The following NLGN1 variants were observed in gnomAD, a reference collection of about 807,000 sequenced individuals.
The protein encoded by NLGN1 is neuroligin 1, also known as neuroligin-1.
A neutral mutation model predicts 65.5 loss-of-function variants in NLGN1; 12 were observed. The ratio of observed to expected loss-of-function variants is 0.18; its 90% CI spans 0.12 to 0.30. NLGN1 has a LOEUF of 0.30. Ranked by LOEUF, NLGN1 falls within the 10% of genes least tolerant of loss-of-function variation. The pLI is 1.00. For synonymous variants in NLGN1, 350 were observed against 359.5 expected, an observed-to-expected ratio of 0.97 and a Z score of 0.30; for missense variants, 750 against 1,007.1, an observed-to-expected ratio of 0.74 and a Z score of 3.46.
At chr3:173,997,092 A>C (rs1722419974) in intron 4 of NLGN1, among the ~76,000 whole-genome samples, 1 of 152,156 alleles carries the variant, frequency 6.6e-6, no homozygotes, top group South Asian at 2.1e-4. Context: ...TCTTAGGCCA[A>C]TTATTATACT....
chr3:173,662,270 A>G (rs1761033494), intron 3 of NLGN1, among the ~76,000 whole-genome samples: 1 of 152,028 alleles, frequency 6.6e-6, no homozygotes, highest in Non-Finnish European at 1.5e-5. Context: ...GTTAATACAT[A>G]CGGCAGTAAT....
intron 2 of NLGN1, among the ~76,000 whole-genome samples, chr3:173,503,082 TTG>T (rs144519410): frequency 1.1e-4 from 16 of 149,668 alleles, no homozygotes; most frequent in South Asian, 2.1e-4. Flanking sequence ...ATATGGCATG[TTG>T]TGTGTGTGTG....
intron 3 of NLGN1, among the ~76,000 whole-genome samples, chr3:173,621,937 A>G (rs1229310908): frequency 2.0e-5 from 3 of 152,130 alleles, no homozygotes; most frequent in Admixed American, 6.6e-5. Flanking sequence ...TAAAAAAGCT[A>G]TTTATGCCTT....
chr3:173,997,268 G>A (rs771449926), intron 4 of NLGN1, among the ~76,000 whole-genome samples: 2 of 151,902 alleles, frequency 1.3e-5, no homozygotes, highest in Non-Finnish European at 2.9e-5. Context: ...GATGATGGAG[G>A]AACAATGTTC....
chr3:174,212,110 C>G (rs997077360), intron 4 of NLGN1, among the ~76,000 whole-genome samples: 5 of 152,210 alleles, frequency 3.3e-5, no homozygotes, highest in African/African-American at 1.2e-4. Flanking sequence ...GTCCCTAGCC[C>G]TGCCCCGCGG....
intron 4 of NLGN1, among the ~76,000 whole-genome samples, chr3:173,903,659 G>A (rs537692759): frequency 2.0e-5 from 3 of 152,232 alleles, no homozygotes; most frequent in African/African-American, 7.2e-5. Context: ...TGTGCTCAAG[G>A]TACAGAATAT....
chr3:173,871,710 A>T (rs915771956), intron 4 of NLGN1, among the ~76,000 whole-genome samples: 7 of 151,932 alleles, frequency 4.6e-5, no homozygotes, highest in African/African-American at 1.5e-4. Context: ...ATCAAGAGTG[A>T]CTCCCAGCTG....
Position 173,489,183 on chromosome 3 carries a change from A to C in NLGN1, c.-321+54105A>C, listed in dbSNP as rs371649853. Reference sequence around the variant, plus strand: ...ATGTGCCATGTTGGTGTGTTGCACCAATTAACTCATCATTTACATTAGGTA... The same window carrying C: ...ATGTGCCATGTTGGTGTGTTGCACCCATTAACTCATCATTTACATTAGGTA... On this transcript the variant is annotated intron_variant, in intron 2 of 6. Transcript: ENST00000457714. 7.2e-5 allele frequency among the ~76,000 whole-genome samples: 11 copies of C among 151,884 alleles called. No individual in the cohort carries two copies. The East Asian group carries it at 7.8e-4, about 11-fold the overall frequency.
At chr3:173,456,355 A>T (rs1268783248) in intron 2 of NLGN1, among the ~76,000 whole-genome samples, 1 of 152,100 alleles carries the variant, frequency 6.6e-6, no homozygotes, top group East Asian at 1.9e-4. Flanking sequence ...GCAATATAGC[A>T]TGAGGGTTGA....
chr3:173,643,107 A>G (rs1397021772), intron 3 of NLGN1, among the ~76,000 whole-genome samples: 1 of 152,232 alleles, frequency 6.6e-6, no homozygotes, highest in Non-Finnish European at 1.5e-5. Flanking sequence ...AGACACAGCA[A>G]TAGAAACTAT....
intron 3 of NLGN1, among the ~76,000 whole-genome samples, chr3:173,684,649 T>C (rs1375952704): frequency 2.6e-5 from 4 of 152,196 alleles, no homozygotes; most frequent in Non-Finnish European, 5.9e-5. Flanking sequence ...ATTTACATCA[T>C]ATTGGAAATG....
At chr3:173,583,151 G>A (rs938507332) in intron 2 of NLGN1, among the ~76,000 whole-genome samples, 1 of 152,136 alleles carries the variant, frequency 6.6e-6, no homozygotes, top group African/African-American at 2.4e-5. Context: ...AGCCTTAATA[G>A]TTCATATTGG....
intron 3 of NLGN1, among the ~76,000 whole-genome samples, chr3:173,769,581 A>G (rs1779285639): frequency 6.6e-6 from 1 of 152,208 alleles, no homozygotes; most frequent in African/African-American, 2.4e-5. Context: ...CTAGGTGCTT[A>G]TCTCTTTGAA....
chr3:173,949,147 A>G (rs1747737297), intron 4 of NLGN1, among the ~76,000 whole-genome samples: 1 of 152,116 alleles, frequency 6.6e-6, no homozygotes, highest in South Asian at 2.1e-4. Flanking sequence ...ATTCTTTCTG[A>G]ACACACAGTT....
At chr3:174,181,068 T>C (rs1167481020) in intron 4 of NLGN1, among the ~76,000 whole-genome samples, 1 of 152,176 alleles carries the variant, frequency 6.6e-6, no homozygotes. Context: ...GAGACCTGTG[T>C]TGCAGAAAAT....
intron 4 of NLGN1, among the ~76,000 whole-genome samples, chr3:174,051,889 C>T (rs1184916241): frequency 6.6e-6 from 1 of 151,946 alleles, no homozygotes; most frequent in Non-Finnish European, 1.5e-5. Flanking sequence ...AAAGATGTAA[C>T]ACAATACAAT....
chr3:173,589,075 A>C (rs922116776), intron 2 of NLGN1, among the ~76,000 whole-genome samples: 1 of 152,206 alleles, frequency 6.6e-6, no homozygotes, highest in Non-Finnish European at 1.5e-5. Context: ...TATCACAGGA[A>C]ATTAAGTTCC....
chr3:173,544,542 G>T (rs1350392137), intron 2 of NLGN1, among the ~76,000 whole-genome samples: 2 of 152,038 alleles, frequency 1.3e-5, no homozygotes, highest in Non-Finnish European at 2.9e-5. Flanking sequence ...CCCTGAAAAT[G>T]AGACTACAAG....
At chr3:173,555,685 G>A (rs1211893437) in intron 2 of NLGN1, among the ~76,000 whole-genome samples, 1 of 152,050 alleles carries the variant, frequency 6.6e-6, no homozygotes, top group Admixed American at 6.6e-5. Context: ...ATTTTGCCAT[G>A]TTGCCTAGCC....
Sources: allele counts gnomAD v4.1 joint callset (sites outside exome capture counted in the v4.1 genomes callset), GRCh38; gene constraint gnomAD v4.1.1; transcripts MANE v1.5; gene names NCBI Gene and HGNC (gene_info 2026-07-23, HGNC 2026-07-21).